The following IGFL2 variants were observed in gnomAD, a reference collection of about 807,000 sequenced individuals.
IGFL2 encodes insulin growth factor-like family member 2.
In IGFL2, 7 loss-of-function variants were observed where a neutral mutation model predicts 13.9. That is an observed-to-expected ratio of 0.51 (90% confidence interval 0.29 to 0.95). The LOEUF (loss-of-function observed/expected upper bound fraction) is 0.95, where lower values mean the gene tolerates loss of function less well. IGFL2 is among the 40% of genes least tolerant of loss of function. The pLI is 0.08. For synonymous variants in IGFL2, 55 were observed against 55.8 expected (o/e 0.99, Z 0.07); for missense variants, 138 against 147.8 (o/e 0.93, Z 0.34).
chr19:46,181,121 G>C, the IGFL2 span: 1 of 152,200 alleles, frequency 6.6e-6, no homozygotes, highest in East Asian at 1.9e-4. Context: ...TAAGTAAGGA[G>C]AGAAATCAAA....
chr19:46,161,094 CAT>C lies in IGFL2; in HGVS notation c.*8_*9del. 2 of 1,587,156 alleles carry C rather than the reference CAT, an allele frequency of 1.3e-6. No individual in the cohort carries two copies. Among genetic ancestry groups the C allele is most frequent in the Non-Finnish European group, 1.7e-6 (2 of 1,164,242 alleles). Reference sequence around the variant, plus strand: ...GCAGAAGACGTTTTCCCTGAGAAGACATAGAAAGAAAATCAACTTTCACTAAG... The same window carrying C: ...GCAGAAGACGTTTTCCCTGAGAAGACAGAAAGAAAATCAACTTTCACTAAG... On this transcript the variant is annotated 3_prime_UTR_variant, in exon 4 of 4. Transcript: ENST00000377693.
At chr19:46,124,034 G>A in the IGFL2 span, 78 of 1,611,492 alleles carry the variant, frequency 4.8e-5, 2 homozygotes, top group African/African-American at 1.5e-4. Context: ...GAGCCACAGC[G>A]GCGGGTCTCC....
chr19:46,203,346 C>G, the IGFL2 span: 1 of 152,894 alleles, frequency 6.5e-6, no homozygotes, highest in Non-Finnish European at 1.5e-5. Flanking sequence ...GTGCAGGTCA[C>G]AGGGGTTATG....
the IGFL2 span, among the ~76,000 whole-genome samples, chr19:46,080,657 G>T: frequency 6.6e-6 from 1 of 152,248 alleles, no homozygotes; most frequent in Non-Finnish European, 1.5e-5. Flanking sequence ...TCAAGGGGGT[G>T]TGGTGTCAGT....
Position 46,148,238 on chromosome 19 carries a change from C to G in IGFL2, c.-41C>G, listed in dbSNP as rs1973243879. On this transcript the variant is annotated 5_prime_UTR_variant, in exon 1 of 4. Coordinates refer to ENST00000377693, the MANE Select transcript of IGFL2 (RefSeq NM_001135113.2). ...AAGTCCCTGTATAAAGTCACTGACCCATTTGCACTGCTGCTGTCCCATCAG... is the reference window on the plus strand; with the variant it reads ...AAGTCCCTGTATAAAGTCACTGACCGATTTGCACTGCTGCTGTCCCATCAG... The G allele has an allele frequency of 6.5e-7, 1 of 1,545,368 alleles. No individual in the cohort carries two copies. The highest frequency in any genetic ancestry group is 1.4e-5 in the African/African-American group (1 of 72,882).
chr19:46,130,874 G>T, the IGFL2 span, among the ~76,000 whole-genome samples: 2 of 152,096 alleles, frequency 1.3e-5, no homozygotes, highest in Non-Finnish European at 2.9e-5. Flanking sequence ...CCTCGCCTTT[G>T]TGTTTGTTTC....
At position 46,160,619 on chromosome 19, in the gene IGFL2, G is replaced by A. The variant is rs572431190; in HGVS notation, c.79G>A (p.Ala27Thr). The A allele has an allele frequency of 9.9e-6, 16 of 1,614,112 alleles. No individual in the cohort carries two copies. The highest frequency in any genetic ancestry group is 4.4e-5 in the South Asian group (4 of 91,082). The change falls in exon 3 of 4, where the codon GCT becomes ACT. Residue 27 changes from alanine to threonine, a missense_variant. Ala to Thr is a moderately conservative substitution (Grantham distance 58, BLOSUM62 0). Transcript: ENST00000377693. ...ATGTCTGTCCATCTGTCCAGCTCCCGCTGGCTCAGAACCATGGCTGTGCCA... is the reference window on the plus strand; with the variant it reads ...ATGTCTGTCCATCTGTCCAGCTCCCACTGGCTCAGAACCATGGCTGTGCCA... ...LLCPREVIAP[A>T]GSEPWLCQPA...
At chr19:46,080,876 C>T in the IGFL2 span, among the ~76,000 whole-genome samples, 1 of 152,240 alleles carries the variant, frequency 6.6e-6, no homozygotes, top group South Asian at 2.1e-4. Context: ...GGAGCAGTGC[C>T]TGCTGTGCTT....
chr19:46,129,042 G>C, the IGFL2 span, among the ~76,000 whole-genome samples: 56 of 152,078 alleles, frequency 3.7e-4, no homozygotes, highest in African/African-American at 1.3e-3. Context: ...GGTCTATTCA[G>C]GGACCGAATC....
chr19:46,117,778 C>G, the IGFL2 span, among the ~76,000 whole-genome samples: 1 of 152,192 alleles, frequency 6.6e-6, no homozygotes, highest in Non-Finnish European at 1.5e-5. Flanking sequence ...CGCGCCCGGA[C>G]TACCATCTGT....
the IGFL2 span, among the ~76,000 whole-genome samples, chr19:46,091,839 C>A: frequency 6.6e-6 from 1 of 152,018 alleles, no homozygotes; most frequent in Non-Finnish European, 1.5e-5. Flanking sequence ...AATACAAAAG[C>A]ATTTTTAAAA....
At chr19:46,202,166 T>A in the IGFL2 span, among the ~76,000 whole-genome samples, 1 of 152,210 alleles carries the variant, frequency 6.6e-6, no homozygotes, top group Admixed American at 6.5e-5. Context: ...AGATCTGGAA[T>A]GAGTCACATT....
chr19:46,104,975 G>A, the IGFL2 span, among the ~76,000 whole-genome samples: 10 of 152,130 alleles, frequency 6.6e-5, no homozygotes, highest in Non-Finnish European at 1.2e-4. Flanking sequence ...AGTGACTGAT[G>A]AGAAGGAGAA....
At chr19:46,165,976 C>T (rs557552578), downstream of IGFL2, among the ~76,000 whole-genome samples, 2 of 152,292 alleles carry the variant, frequency 1.3e-5, no homozygotes, top group Admixed American at 1.3e-4. Context: ...CATTGTATCT[C>T]GGACATGCAT....
At chr19:46,179,548 C>G in the IGFL2 span, 6 of 152,340 alleles carry the variant, frequency 3.9e-5, no homozygotes, top group African/African-American at 1.4e-4. Context: ...CTGATGAATC[C>G]GAGCACAGCA....
the IGFL2 span, among the ~76,000 whole-genome samples, chr19:46,178,943 A>G: frequency 6.6e-6 from 1 of 152,262 alleles, no homozygotes; most frequent in African/African-American, 2.4e-5. Context: ...ACATTGGCTC[A>G]GAATAAACCT....
chr19:46,190,813 G>C, the IGFL2 span, among the ~76,000 whole-genome samples: 1 of 152,178 alleles, frequency 6.6e-6, no homozygotes, highest in East Asian at 1.9e-4. Context: ...GCAAAATCAC[G>C]GACCTGGATC....
At chr19:46,084,252 A>G in the IGFL2 span, among the ~76,000 whole-genome samples, 1 of 152,224 alleles carries the variant, frequency 6.6e-6, no homozygotes, top group African/African-American at 2.4e-5. Flanking sequence ...GTTGAGAAGA[A>G]TGTGTATTCT....
At chr19:46,209,333 A>G in the IGFL2 span, 2 of 152,230 alleles carry the variant, frequency 1.3e-5, no homozygotes, top group African/African-American at 2.4e-5. Flanking sequence ...GGGCTTCCGC[A>G]TGGAGCTGCT....
Sources: gnomAD v4.1 joint callset for allele counts (sites outside exome capture counted in the v4.1 genomes callset) on GRCh38, gnomAD v4.1.1 for gene constraint, MANE v1.5 for transcripts, NCBI Gene and HGNC (gene_info 2026-07-23, HGNC 2026-07-21) for gene names.